IL1R1: variants seen among roughly 807,000 people sequenced by gnomAD.
IL1R1 encodes the protein interleukin 1 receptor type 1.
Under a neutral mutation model 50.2 loss-of-function variants are expected in IL1R1, and 22 were observed. The ratio of observed to expected loss-of-function variants is 0.44; its 90% confidence interval spans 0.31 to 0.63. IL1R1 has a LOEUF of 0.63. IL1R1 is among the 20% of genes least tolerant of loss of function. The pLI, the probability that IL1R1 is intolerant of heterozygous loss-of-function variation, is 0.07. For synonymous variants in IL1R1, 251 were observed against 236.7 expected (o/e 1.06, Z -0.55); for missense variants, 509 against 676.2 (o/e 0.75, Z 2.74).
intron 1 of IL1R1, among the ~76,000 whole-genome samples, chr2:102,081,196 G>C (rs1223326653): frequency 6.6e-6 from 1 of 151,842 alleles, no homozygotes; most frequent in African/African-American, 2.4e-5. Context: ...CTTTTAAAAG[G>C]GTAATTTTAT....
intron 1 of IL1R1, among the ~76,000 whole-genome samples, chr2:102,145,928 C>G (rs565585113): frequency 6.6e-6 from 1 of 152,316 alleles, no homozygotes; most frequent in South Asian, 2.1e-4. Context: ...AAAGAGGAAA[C>G]CCTGCAGGGC....
intron 1 of IL1R1, among the ~76,000 whole-genome samples, chr2:102,121,255 C>T (rs1577894667): frequency 6.6e-6 from 1 of 152,230 alleles, no homozygotes; most frequent in Admixed American, 6.5e-5. Flanking sequence ...GCCCCCCAAC[C>T]CCCTGGTTTC....
intron 1 of IL1R1, among the ~76,000 whole-genome samples, chr2:102,093,840 CG>C (rs762083742): frequency 1.1e-4 from 16 of 149,152 alleles, no homozygotes; most frequent in Non-Finnish European, 2.2e-4. Context: ...TCTGAGTGTC[CG>C]AGGAGACACG....
At chr2:102,150,805 A>C (rs1683584705) in intron 1 of IL1R1, among the ~76,000 whole-genome samples, 1 of 152,208 alleles carries the variant, frequency 6.6e-6, no homozygotes, top group Non-Finnish European at 1.5e-5. Context: ...CTTTCCTGGA[A>C]GCTGCTATGG....
chr2:102,146,861 T>C (rs892262575), intron 1 of IL1R1, among the ~76,000 whole-genome samples: 25 of 152,168 alleles, frequency 1.6e-4, no homozygotes, highest in African/African-American at 5.8e-4. Context: ...CAATGCTAAA[T>C]GCATCCTGAT....
chr2:102,072,921 T>C (rs1297422281), intron 1 of IL1R1, among the ~76,000 whole-genome samples: 1 of 152,202 alleles, frequency 6.6e-6, no homozygotes, highest in Non-Finnish European at 1.5e-5. Flanking sequence ...TGAAGGCCCT[T>C]CCCGGCCAGT....
upstream of IL1R1, chr2:102,142,687 C>G (rs1425118084): frequency 6.6e-6 from 1 of 151,622 alleles, no homozygotes; most frequent in Non-Finnish European, 1.5e-5. Context: ...CCAGCCGAGC[C>G]GTCTCCGCCC....
At chr2:102,172,397 T>C (rs1204551026) in intron 8 of IL1R1, 1 of 985,274 alleles carries the variant, frequency 1.0e-6, no homozygotes, top group Non-Finnish European at 1.2e-6. Flanking sequence ...TTGTTTAGTG[T>C]CTCCTCTGTG....
intron 1 of IL1R1, chr2:102,070,553 G>T (rs1337328767): frequency 1.3e-5 from 2 of 152,180 alleles, no homozygotes; most frequent in Admixed American, 6.5e-5. Flanking sequence ...TAAAGGGCCC[G>T]CCCTGGCTTC....
intron 1 of IL1R1, among the ~76,000 whole-genome samples, chr2:102,119,233 A>G (rs182487151): frequency 1.8e-4 from 27 of 152,274 alleles, no homozygotes; most frequent in African/African-American, 6.3e-4. Flanking sequence ...CCTAGTGATA[A>G]TGTAAGTTCT....
At chr2:102,152,734 G>A (rs2104501720) in intron 1 of IL1R1, among the ~76,000 whole-genome samples, 1 of 152,100 alleles carries the variant, frequency 6.6e-6, no homozygotes, top group Non-Finnish European at 1.5e-5. Flanking sequence ...CTAGGACTGG[G>A]AGCGGGAGGA....
chr2:102,151,756 C>A (rs1683677269), intron 1 of IL1R1, among the ~76,000 whole-genome samples: 1 of 152,228 alleles, frequency 6.6e-6, no homozygotes, highest in South Asian at 2.1e-4. Flanking sequence ...AGCTTCTGAT[C>A]AGAATCAGCT....
intron 7 of IL1R1, among the ~76,000 whole-genome samples, chr2:102,169,661 A>T (rs1330625612): frequency 6.6e-6 from 1 of 152,218 alleles, no homozygotes; most frequent in Non-Finnish European, 1.5e-5. Context: ...TATGCTTGTG[A>T]TCTGTGAATT....
intron 1 of IL1R1, among the ~76,000 whole-genome samples, chr2:102,124,770 G>T (rs1204357857): frequency 6.6e-6 from 1 of 151,792 alleles, no homozygotes; most frequent in African/African-American, 2.4e-5. Flanking sequence ...ACAAAAATTA[G>T]CTGGGTGTGG....
rs1221112973 is a variant in IL1R1, at chr2:102,178,990, C to T, written c.*2231C>T. 1 of 152,264 alleles carries T rather than the reference C, an allele frequency of 6.6e-6. No individual in the cohort carries two copies. Among genetic ancestry groups the T allele is most frequent in the East Asian group, 1.9e-4 (1 of 5,312 alleles). The allele number at this position is 152,264 out of a possible 1,614,324, so 9.4% of individuals were successfully genotyped here. ...GTTTAAGTCTCTGACTCTTGCCTTTCCACCTGCTTTCTCCTGGGCCCGCTT... is the reference window on the plus strand; with the variant it reads ...GTTTAAGTCTCTGACTCTTGCCTTTTCACCTGCTTTCTCCTGGGCCCGCTT... On this transcript the variant is annotated 3_prime_UTR_variant, in exon 12 of 12. Coordinates refer to ENST00000410023, the MANE Select transcript of IL1R1 (RefSeq NM_000877.4).
At chr2:102,082,679 A>G (rs1679266688) in intron 1 of IL1R1, among the ~76,000 whole-genome samples, 1 of 152,144 alleles carries the variant, frequency 6.6e-6, no homozygotes, top group African/African-American at 2.4e-5. Flanking sequence ...ATTGTGCCAT[A>G]GTATTTCTCT....
chr2:102,101,345 G>T (rs115547097), upstream of IL1R1, among the ~76,000 whole-genome samples: 2,124 of 152,290 alleles, frequency 0.014, 55 homozygotes, highest in South Asian at 0.12. Context: ...CTTTAACCCA[G>T]GTCTGCTGGC....
chr2:102,135,121 T>C (rs1340922321), intron 1 of IL1R1, among the ~76,000 whole-genome samples: 1 of 146,400 alleles, frequency 6.8e-6, no homozygotes, highest in Non-Finnish European at 1.5e-5. Flanking sequence ...TTTTATTGGC[T>C]AATATAATGC....
At chr2:102,070,543 T>C (rs1261176449) in intron 1 of IL1R1, 2 of 152,288 alleles carry the variant, frequency 1.3e-5, no homozygotes, top group South Asian at 2.1e-4. Flanking sequence ...GGTAAGGTTT[T>C]AAAGGGCCCG....
Sources: allele counts gnomAD v4.1 joint callset (sites outside exome capture counted in the v4.1 genomes callset), GRCh38; gene constraint gnomAD v4.1.1; transcripts MANE v1.5; gene names NCBI Gene and HGNC (gene_info 2026-07-23, HGNC 2026-07-21).